DYNC1I1: variants seen among roughly 807,000 people sequenced by gnomAD.
DYNC1I1 encodes dynein cytoplasmic 1 intermediate chain 1, also known as cytoplasmic dynein 1 intermediate chain 1.
A neutral mutation model predicts 86.6 loss-of-function variants in DYNC1I1; 43 were observed. The ratio of observed to expected loss-of-function variants is 0.50; its 90% CI spans 0.39 to 0.64. The LOEUF is 0.64. Among genes scored for constraint, DYNC1I1 ranks in the 30% least tolerant of loss-of-function variants. The pLI, the probability that DYNC1I1 is intolerant of heterozygous loss-of-function variation, is 0.00. For synonymous variants in DYNC1I1, 262 were observed against 283.7 expected (o/e 0.92, Z 0.77); for missense variants, 604 against 788.8 (o/e 0.77, Z 2.81).
At chr7:95,849,052 C>A (rs1244224890) in intron 5 of DYNC1I1, among the ~76,000 whole-genome samples, 1 of 152,096 alleles carries the variant, frequency 6.6e-6, no homozygotes, top group Non-Finnish European at 1.5e-5. Flanking sequence ...TACTCAGATC[C>A]TTTGCCCATT....
intron 16 of DYNC1I1, among the ~76,000 whole-genome samples, chr7:96,088,910 C>G (rs1161067432): frequency 2.6e-5 from 4 of 152,106 alleles, no homozygotes; most frequent in Admixed American, 6.5e-5. Flanking sequence ...AGTTACTTAT[C>G]ATTTAAGAAA....
At chr7:95,938,232 T>C (rs568715005) in intron 6 of DYNC1I1, among the ~76,000 whole-genome samples, 2 of 152,336 alleles carry the variant, frequency 1.3e-5, no homozygotes, top group South Asian at 4.1e-4. Context: ...TGGTTGCATA[T>C]CTTTGCTCAC....
chr7:96,068,997 A>C (rs1184707864), intron 14 of DYNC1I1, among the ~76,000 whole-genome samples: 1 of 152,104 alleles, frequency 6.6e-6, no homozygotes, highest in Non-Finnish European at 1.5e-5. Context: ...ATTCTACTTT[A>C]TTTGCTCATT....
chr7:95,791,336 T>G (rs1299369653), intron 1 of DYNC1I1, among the ~76,000 whole-genome samples: 2 of 152,202 alleles, frequency 1.3e-5, no homozygotes, highest in Non-Finnish European at 1.5e-5. Flanking sequence ...TTGTCTTGAT[T>G]TAACTTTGTT....
chr7:95,944,840 C>T (rs569390226), intron 6 of DYNC1I1, among the ~76,000 whole-genome samples: 22 of 130,168 alleles, frequency 1.7e-4, no homozygotes, highest in Admixed American at 1.1e-3. Flanking sequence ...ACATGGACAC[C>T]GGAAGGGGAA....
intron 14 of DYNC1I1, among the ~76,000 whole-genome samples, chr7:96,063,467 C>T (rs927353372): frequency 5.3e-5 from 8 of 152,146 alleles, no homozygotes; most frequent in Admixed American, 3.9e-4. Context: ...AATGCATCCT[C>T]TCATAGTTCT....
At chr7:95,992,521 G>T (rs146782150) in intron 9 of DYNC1I1, among the ~76,000 whole-genome samples, 173 of 152,252 alleles carry the variant, frequency 1.1e-3, no homozygotes, top group African/African-American at 3.9e-3. Context: ...GTAAACCATT[G>T]CCTACCTTAG....
chr7:96,014,090 C>CTT (rs1268066045), intron 10 of DYNC1I1, among the ~76,000 whole-genome samples: 3 of 152,096 alleles, frequency 2.0e-5, no homozygotes, highest in Non-Finnish European at 2.9e-5. Flanking sequence ...AAACAAACAG[C>CTT]TTAATGACAT....
chr7:95,874,485 A>G (rs540705677), intron 6 of DYNC1I1, among the ~76,000 whole-genome samples: 3 of 152,368 alleles, frequency 2.0e-5, no homozygotes, highest in African/African-American at 7.2e-5. Flanking sequence ...AAAGTAAATT[A>G]GGTAGCTGCT....
At chr7:96,051,168 A>G (rs2116107665) in intron 14 of DYNC1I1, among the ~76,000 whole-genome samples, 1 of 152,254 alleles carries the variant, frequency 6.6e-6, no homozygotes, top group South Asian at 2.1e-4. Context: ...TAATGCATCC[A>G]GTTTGGAAAG....
intron 6 of DYNC1I1, 51 bp from the exon 7 acceptor site, chr7:95,977,461 C>G: frequency 6.4e-7 from 1 of 1,574,204 alleles, no homozygotes; most frequent in Non-Finnish European, 8.6e-7. Context: ...CAACCAAAGA[C>G]TTTGATTTGG....
At chr7:95,993,083 G>A (rs577241122) in intron 9 of DYNC1I1, among the ~76,000 whole-genome samples, 3 of 152,054 alleles carry the variant, frequency 2.0e-5, no homozygotes, top group South Asian at 2.1e-4. Context: ...ACATAACTTC[G>A]AACAACACTT....
intron 14 of DYNC1I1, among the ~76,000 whole-genome samples, chr7:96,067,251 A>T (rs1790019270): frequency 6.6e-6 from 1 of 151,988 alleles, no homozygotes; most frequent in Non-Finnish European, 1.5e-5. Flanking sequence ...AACAGAGTGC[A>T]TTTTTTTCCC....
At chr7:95,870,171 T>A (rs1430257210) in intron 6 of DYNC1I1, among the ~76,000 whole-genome samples, 173 bp downstream of exon 6, 1 of 152,236 alleles carries the variant, frequency 6.6e-6, no homozygotes, top group African/African-American at 2.4e-5. Context: ...GGGAACTCGG[T>A]GATACTCTTC....
chr7:95,809,827 G>C (rs1210899145), intron 2 of DYNC1I1, among the ~76,000 whole-genome samples: 1 of 152,220 alleles, frequency 6.6e-6, no homozygotes, highest in South Asian at 2.1e-4. Context: ...AAAGTACCAA[G>C]ACATATCAAT....
At chr7:95,835,854 G>A (rs1329665891) in intron 5 of DYNC1I1, among the ~76,000 whole-genome samples, 10 of 151,886 alleles carry the variant, frequency 6.6e-5, no homozygotes, top group Admixed American at 6.6e-4. Flanking sequence ...TTTATTTTGA[G>A]CCTATGTGTG....
chr7:95,803,210 T>C lies in DYNC1I1; in HGVS notation c.-9-1511T>C, dbSNP rs114450791. On this transcript the variant is annotated intron_variant, in intron 1 of 16. Coordinates refer to ENST00000447467, the MANE Select transcript of DYNC1I1 (RefSeq NM_001135556.2). ...GGATTGATATGATTACATGTGATAA[T>C]GAATGTCAAAGGCCTGGCACTGAGT... 4.7e-3 allele frequency among the ~76,000 whole-genome samples: 713 copies of C among 152,336 alleles called. 4 individuals are homozygous for C. The highest frequency in any genetic ancestry group is 0.016 in the African/African-American group (672 of 41,572).
intron 1 of DYNC1I1, among the ~76,000 whole-genome samples, chr7:95,792,898 A>C (rs1243782751): frequency 1.3e-5 from 2 of 151,604 alleles, no homozygotes; most frequent in African/African-American, 2.4e-5. Flanking sequence ...GCAAAAAAAA[A>C]CCACTTGGTA....
intron 5 of DYNC1I1, among the ~76,000 whole-genome samples, chr7:95,866,567 G>C (rs75648630): frequency 2.6e-5 from 4 of 152,036 alleles, no homozygotes; most frequent in Non-Finnish European, 5.9e-5. Flanking sequence ...TGGAATATGA[G>C]ATAAAATTTT....
Sources: allele counts gnomAD v4.1 joint callset (sites outside exome capture counted in the v4.1 genomes callset), GRCh38; gene constraint gnomAD v4.1.1; transcripts MANE v1.5; gene names NCBI Gene and HGNC (gene_info 2026-07-23, HGNC 2026-07-21).